The following MAEA variants were observed in gnomAD, a reference collection of about 807,000 sequenced individuals.
MAEA encodes E3 ubiquitin-protein transferase MAEA.
Under a neutral mutation model 46.2 loss-of-function variants are expected in MAEA, and 22 were observed. The ratio of observed to expected loss-of-function variants is 0.48; its 90% CI spans 0.34 to 0.68. The LOEUF is 0.68. MAEA is among the 30% of genes least tolerant of loss of function. The pLI, the probability that MAEA is intolerant of heterozygous loss-of-function variation, is 0.01. For missense variants in MAEA, 393 were observed against 558.1 expected (o/e 0.70, Z 2.98); for synonymous variants, 246 against 222.6 (o/e 1.11, Z -0.94).
At chr4:1,310,945 G>A (rs1228290302) in intron 1 of MAEA, among the ~76,000 whole-genome samples, 12 of 152,376 alleles carry the variant, frequency 7.9e-5, no homozygotes, top group African/African-American at 2.9e-4. Context: ...GCTGAGCTGC[G>A]TCCAGGTCTC....
intron 5 of MAEA, chr4:1,331,353 C>G (rs1353312198): frequency 1.3e-5 from 2 of 151,762 alleles, no homozygotes; most frequent in African/African-American, 2.4e-5. Context: ...CCTGGGGCGT[C>G]AGCCATGTGG....
chr4:1,309,745 G>A (rs1354770986), intron 1 of MAEA: 12 of 1,503,984 alleles, frequency 8.0e-6, no homozygotes, highest in Non-Finnish European at 1.1e-5. Context: ...TCATGCCTGC[G>A]TTCTGCGTAA....
At position 1,338,464 on chromosome 4, in the gene MAEA, C is replaced by T; in HGVS notation, c.942C>T (p.Cys314=). Reference sequence around the variant, plus strand: ...ACGGCAGCTCCAAGAGCCCTGACTGCCCTGTGTGCAGCCGCTCCCTGAACA... The same window carrying T: ...ACGGCAGCTCCAAGAGCCCTGACTGTCCTGTGTGCAGCCGCTCCCTGAACA... ...KEDGSSKSPD[C]PVCSRSLNKL... is the part of the protein sequence containing the mutation. The change falls in exon 8 of 9, where the codon TGC becomes TGT. Residue 314 remains cysteine, a synonymous_variant. Coordinates refer to ENST00000303400, the MANE Select transcript of MAEA (RefSeq NM_001017405.3). 1 of 1,613,132 alleles carries T rather than the reference C, an allele frequency of 6.2e-7. No homozygotes were observed.
chr4:1,338,962 T>C, intron 8 of MAEA, 112 bp from the exon 9 acceptor site: 1 of 910,928 alleles, frequency 1.1e-6, no homozygotes, highest in African/African-American at 1.6e-5. Context: ...GGAAGGAACT[T>C]TGCCTGAGAG....
chr4:1,293,155 A>G (rs1054859580), intron 1 of MAEA, among the ~76,000 whole-genome samples: 1 of 151,854 alleles, frequency 6.6e-6, no homozygotes, highest in Non-Finnish European at 1.5e-5. Context: ...TCAATTCAAC[A>G]TGCATAGTTC....
intron 5 of MAEA, chr4:1,330,608 C>T (rs1711646249): frequency 6.6e-6 from 1 of 152,176 alleles, no homozygotes; most frequent in African/African-American, 2.4e-5. Context: ...AGCCACCGTG[C>T]CTGGCCCGTG....
chr4:1,309,553 G>T, intron 1 of MAEA: 2 of 1,447,570 alleles, frequency 1.4e-6, no homozygotes, highest in South Asian at 1.4e-5. Context: ...ACTCAGATTG[G>T]ATAGCCCCGG....
chr4:1,328,844 G>A (rs1209383444), intron 5 of MAEA: 2 of 1,045,156 alleles, frequency 1.9e-6, no homozygotes, highest in African/African-American at 1.7e-5. Flanking sequence ...TCACGCACGA[G>A]GGAGCCAGGC....
At chr4:1,335,104 C>A in intron 6 of MAEA, 2 of 985,452 alleles carry the variant, frequency 2.0e-6, no homozygotes, top group Non-Finnish European at 2.4e-6. Flanking sequence ...TGTGCTCACA[C>A]ACGCTCTCTC....
At chr4:1,331,514 G>C (rs1213102370) in intron 5 of MAEA, 6 of 152,572 alleles carry the variant, frequency 3.9e-5, no homozygotes, top group Admixed American at 3.9e-4. Context: ...GCGAGACACT[G>C]CATCTTCTCC....
intron 1 of MAEA, among the ~76,000 whole-genome samples, chr4:1,301,112 A>G (rs537936417): frequency 6.6e-6 from 1 of 152,350 alleles, no homozygotes; most frequent in South Asian, 2.1e-4. Flanking sequence ...AAAGAGCCTC[A>G]TGCATTGGGG....
chr4:1,329,269 T>C (rs957373579), intron 5 of MAEA: 6 of 983,052 alleles, frequency 6.1e-6, no homozygotes, highest in Non-Finnish European at 7.2e-6. Flanking sequence ...TTTACCTGTG[T>C]TCCCCCCGCT....
chr4:1,311,245 G>A lies in MAEA; in HGVS notation c.70-734G>A, dbSNP rs1205485571. 6.6e-6 allele frequency among the ~76,000 whole-genome samples: 1 copy of A among 152,214 alleles called. No homozygotes were observed. Among genetic ancestry groups the A allele is most frequent in the Non-Finnish European group, 1.5e-5 (1 of 68,032 alleles). On this transcript the variant is annotated intron_variant, in intron 1 of 8. Coordinates refer to ENST00000303400, the MANE Select transcript of MAEA (RefSeq NM_001017405.3). The surrounding 1 kb of genome is among the most constrained non-coding windows in gnomAD (Gnocchi z 4.4). Reference sequence around the variant, plus strand: ...GGACCGCAGGTGGTGTTTCCTGCGGGAGCCCGGCCACGGAGGCCGGGGAGC... The same window carrying A: ...GGACCGCAGGTGGTGTTTCCTGCGGAAGCCCGGCCACGGAGGCCGGGGAGC...
At chr4:1,327,556 G>A (rs528907260) in intron 4 of MAEA, 71 bp from the exon 5 acceptor site, 74 of 1,022,196 alleles carry the variant, frequency 7.2e-5, no homozygotes, top group South Asian at 5.6e-4. Context: ...GTGGACATGC[G>A]GGTGCGGCAC....
chr4:1,296,616 T>A (rs1187165026), intron 1 of MAEA, among the ~76,000 whole-genome samples: 1 of 133,284 alleles, frequency 7.5e-6, no homozygotes, highest in Non-Finnish European at 1.5e-5. Context: ...TGGCTCTGAG[T>A]CTTCCTCTCG....
intron 2 of MAEA, 66 bp from the exon 3 acceptor site, chr4:1,315,331 G>A (rs1360911082): frequency 2.0e-6 from 3 of 1,491,240 alleles, no homozygotes; most frequent in Non-Finnish European, 2.8e-6. Flanking sequence ...GGGCAGCCTG[G>A]CCTCCCTTGG....
At chr4:1,309,994 C>CT (rs1736284884) in intron 1 of MAEA, 2 of 1,236,584 alleles carry the variant, frequency 1.6e-6, no homozygotes, top group South Asian at 6.6e-5. Context: ...CTGGAATGTG[C>CT]TGGTGTGCGG....
At chr4:1,309,454 T>C in intron 1 of MAEA, 1 of 1,315,728 alleles carries the variant, frequency 7.6e-7, no homozygotes, top group Non-Finnish European at 9.7e-7. Context: ...GCCTGGCTCC[T>C]CTGGGGGGCG....
intron 1 of MAEA, among the ~76,000 whole-genome samples, chr4:1,298,535 T>C (rs1407041759): frequency 1.3e-5 from 2 of 152,210 alleles, no homozygotes; most frequent in African/African-American, 2.4e-5. Flanking sequence ...TTTACCCCCA[T>C]CACAGTGCTA....
Sources: allele counts gnomAD v4.1 joint callset (sites outside exome capture counted in the v4.1 genomes callset), GRCh38; gene constraint gnomAD v4.1.1; non-coding constraint Gnocchi (gnomAD v3.1); transcripts MANE v1.5; gene names NCBI Gene and HGNC (gene_info 2026-07-23, HGNC 2026-07-21).